Variants in NEO1 observed in about 807,000 individuals in gnomAD.
NEO1 encodes neogenin 1.
Under a neutral mutation model 159.7 loss-of-function variants are expected in NEO1, and 63 were observed. That is an observed-to-expected ratio of 0.39 (90% CI 0.32 to 0.49). The LOEUF is 0.49. NEO1 is among the 20% of genes least tolerant of loss of function. NEO1 has a pLI of 0.85. For missense variants in NEO1, 1,615 were observed against 1,831.0 expected, an observed-to-expected ratio of 0.88 and a Z score of 2.15; for synonymous variants, 633 against 662.0, an observed-to-expected ratio of 0.96 and a Z score of 0.67.
chr15:73,127,698 T>C lies in NEO1; in HGVS notation c.878+1128T>C, dbSNP rs570472363. Among the ~76,000 whole-genome samples the C allele has an allele frequency of 1.3e-5, 2 of 152,368 alleles. 1 individual carries two copies. Among genetic ancestry groups the C allele is most frequent in the East Asian group, 3.9e-4 (2 of 5,194 alleles). ...ACGTTTTTAAAAAGTAAGAAGTACA[T>C]GTACAATAATAAATATAATAGTAAT... On this transcript the variant is annotated intron_variant, in intron 4 of 28. Transcript: ENST00000261908.
At chr15:73,183,316 C>T (rs1034660531) in intron 7 of NEO1, among the ~76,000 whole-genome samples, 1 of 152,104 alleles carries the variant, frequency 6.6e-6, no homozygotes, top group Admixed American at 6.6e-5. Context: ...GGCAGAAAAC[C>T]TTCTGATTTC....
chr15:73,115,716 G>A (rs1035616732), intron 1 of NEO1, among the ~76,000 whole-genome samples: 1 of 152,084 alleles, frequency 6.6e-6, no homozygotes, highest in Non-Finnish European at 1.5e-5. Flanking sequence ...GCTTTAAGTT[G>A]GAAAGCTTTC....
At position 73,274,864 on chromosome 15, in the gene NEO1, AGAGTT is replaced by A. The variant is rs1195358022; in HGVS notation, c.3193+145_3193+149del. The A allele has an allele frequency of 2.7e-5, 21 of 777,482 alleles. No homozygotes were observed. In the East Asian group the frequency reaches 5.4e-4, roughly 20 times the overall value. 48.2% of individuals were successfully genotyped at this position (777,482 alleles called of 1,614,324 possible). A position where few individuals can be genotyped will look rare whatever the true frequency, so the allele number is the denominator to read the frequency against. On this transcript the variant is annotated intron_variant, in intron 21 of 28. Coordinates refer to ENST00000261908, the MANE Select transcript of NEO1 (RefSeq NM_002499.4). ...AAGCCACACAGTTATTGGCCAAAGT[AGAGTT>A]GAGTCCATGTTCTGAAAAGCTGGGG...
chr15:73,186,270 T>G, intron 7 of NEO1, among the ~76,000 whole-genome samples: 1 of 151,556 alleles, frequency 6.6e-6, no homozygotes, highest in East Asian at 1.9e-4. Flanking sequence ...ATTGTTCCAA[T>G]TTTAGTATTA....
At chr15:73,138,053 C>A (rs1436629730) in intron 5 of NEO1, among the ~76,000 whole-genome samples, 1 of 152,216 alleles carries the variant, frequency 6.6e-6, no homozygotes, top group East Asian at 1.9e-4. Context: ...ACTAAAAGGA[C>A]TAGTAGACTG....
At chr15:73,108,360 G>GTTTTATGTT (rs2070795573) in intron 1 of NEO1, among the ~76,000 whole-genome samples, 2 of 152,168 alleles carry the variant, frequency 1.3e-5, no homozygotes, top group Admixed American at 1.3e-4. Context: ...ACTTTAAGAA[G>GTTTTATGTT]TTACATAAAA....
At chr15:73,189,485 G>A (rs972683055) in intron 7 of NEO1, among the ~76,000 whole-genome samples, 2 of 152,224 alleles carry the variant, frequency 1.3e-5, no homozygotes, top group African/African-American at 4.8e-5. Context: ...GTATTCTTCT[G>A]TTAGTTATTG....
chr15:73,236,521 GTC>G lies in NEO1; in HGVS notation c.1451+17_1451+18del. The G allele has an allele frequency of 6.2e-7, 1 of 1,612,258 alleles. No individual in the cohort carries two copies. Among genetic ancestry groups the G allele is most frequent in the Middle Eastern group, 1.7e-4 (1 of 6,056 alleles). ...GGGATTGCTAGGTAAGTGCCTGTGT[GTC>G]TGCAGCCAGTTGGCTGCCTCTTGGT... is the stretch of plus-strand genomic sequence containing the variant. On this transcript the variant is annotated intron_variant, in intron 8 of 28. Transcript: ENST00000261908.
intron 7 of NEO1, among the ~76,000 whole-genome samples, chr15:73,230,618 A>AGTCTC (rs1347467112): frequency 1.3e-5 from 2 of 152,144 alleles, no homozygotes; most frequent in Non-Finnish European, 2.9e-5. Flanking sequence ...TTTGAGGCAG[A>AGTCTC]GTCTCACAAT....
Position 73,141,703 on chromosome 15 carries a change from C to G in NEO1, c.1015+5676C>G, listed in dbSNP as rs28638032. Among the ~76,000 whole-genome samples the G allele has an allele frequency of 5.4e-3, 830 of 152,310 alleles. 8 individuals carry two copies. The highest frequency in any genetic ancestry group is 0.019 in the African/African-American group (782 of 41,554). ...AGCCTATGTCACTCTACTTCTTTGA[C>G]TCTTCTGCTCTACTCTTATCCCTGG... is the stretch of plus-strand genomic sequence containing the variant. On this transcript the variant is annotated intron_variant, in intron 5 of 28. Transcript: ENST00000261908.
chr15:73,155,099 A>G (rs1310024544), intron 5 of NEO1, among the ~76,000 whole-genome samples: 1 of 150,270 alleles, frequency 6.7e-6, no homozygotes, highest in Non-Finnish European at 1.5e-5. Context: ...AGCATTTCTT[A>G]TAGGGCTGGT....
At chr15:73,272,584 A>G (rs927869410) in intron 19 of NEO1, 22 bp downstream of exon 19, 4 of 1,500,504 alleles carry the variant, frequency 2.7e-6, no homozygotes, top group African/African-American at 1.4e-5. Context: ...TCAAGTGTGC[A>G]TTTCTTTGTG....
At chr15:73,263,619 TTGTTTCTAAAA>T (rs2040742345) in intron 15 of NEO1, among the ~76,000 whole-genome samples, 1 of 75,194 alleles carries the variant, frequency 1.3e-5, no homozygotes, top group African/African-American at 3.4e-5. Flanking sequence ...TTTGAAACAC[TTGTTTCTAAAA>T]TTAAAATCTG....
intron 22 of NEO1, among the ~76,000 whole-genome samples, chr15:73,280,855 G>C (rs1022347366): frequency 2.0e-5 from 3 of 152,060 alleles, no homozygotes; most frequent in African/African-American, 7.2e-5. Context: ...AAGTTGGAGG[G>C]TCAGTTAATC....
chr15:73,193,835 A>G (rs570453890), intron 7 of NEO1, among the ~76,000 whole-genome samples: 2 of 152,116 alleles, frequency 1.3e-5, no homozygotes, highest in East Asian at 3.9e-4. Flanking sequence ...ACTGGAAGAA[A>G]TAATTTCTGC....
chr15:73,065,702 G>T (rs780536040), intron 1 of NEO1, among the ~76,000 whole-genome samples: 1 of 152,058 alleles, frequency 6.6e-6, no homozygotes, highest in African/African-American at 2.4e-5. Context: ...TATTTATCCC[G>T]CTTATTGAGC....
intron 7 of NEO1, among the ~76,000 whole-genome samples, chr15:73,184,220 A>T (rs1029063986): frequency 6.6e-6 from 1 of 152,054 alleles, no homozygotes; most frequent in Non-Finnish European, 1.5e-5. Context: ...CAGTGGCGCG[A>T]TCTCAGCTCA....
intron 15 of NEO1, among the ~76,000 whole-genome samples, chr15:73,265,781 G>C (rs1456685955): frequency 6.6e-6 from 1 of 152,140 alleles, no homozygotes; most frequent in East Asian, 1.9e-4. Context: ...TTAAGCTTTT[G>C]AGCCACATGA....
intron 7 of NEO1, among the ~76,000 whole-genome samples, chr15:73,193,233 T>C (rs1166718440): frequency 6.6e-6 from 1 of 152,056 alleles, no homozygotes; most frequent in African/African-American, 2.4e-5. Context: ...TAAATAGAGA[T>C]TCACAGTTAT....
Sources: allele counts gnomAD v4.1 joint callset (sites outside exome capture counted in the v4.1 genomes callset), GRCh38; gene constraint gnomAD v4.1.1; transcripts MANE v1.5; gene names NCBI Gene and HGNC (gene_info 2026-07-23, HGNC 2026-07-21).